Variants in CNGB1 observed in about 807,000 individuals in gnomAD.
CNGB1 encodes the protein cyclic nucleotide-gated channel beta-1.
Under a neutral mutation model 151.7 loss-of-function variants are expected in CNGB1, and 126 were observed. The observed-to-expected ratio is 0.83, with a 90% CI of 0.72 to 0.96. The LOEUF is 0.96. Among genes scored for constraint, CNGB1 ranks in the 40% least tolerant of loss-of-function variants. The pLI is 0.00. For synonymous variants in CNGB1, 623 were observed against 635.1 expected, an observed-to-expected ratio of 0.98 and a Z score of 0.29; for missense variants, 1,698 against 1,627.0, an observed-to-expected ratio of 1.04 and a Z score of -0.75.
At chr16:57,964,604 G>A in intron 2 of CNGB1, 60 bp from the exon 3 acceptor site, 1 of 1,569,370 alleles carries the variant, frequency 6.4e-7, no homozygotes, top group Non-Finnish European at 8.8e-7. Flanking sequence ...TTTGGACAGG[G>A]GCAGCCTGAT....
intron 14 of CNGB1, among the ~76,000 whole-genome samples, chr16:57,943,747 A>T (rs1347827060): frequency 2.6e-5 from 4 of 152,200 alleles, no homozygotes; most frequent in Non-Finnish European, 5.9e-5. Context: ...TTGTAAATTC[A>T]CACAGCCATT....
chr16:57,885,257 T>C (rs185702808), intron 32 of CNGB1, among the ~76,000 whole-genome samples: 1 of 152,298 alleles, frequency 6.6e-6, no homozygotes, highest in Non-Finnish European at 1.5e-5. Flanking sequence ...AAGTGGTGTT[T>C]GTGAGTTTCA....
intron 12 of CNGB1, among the ~76,000 whole-genome samples, chr16:57,956,586 G>A (rs1396881055): frequency 1.3e-5 from 2 of 152,188 alleles, no homozygotes; most frequent in Non-Finnish European, 2.9e-5. Context: ...AGAGCCCTGG[G>A]ACAGCCTGAG....
At chr16:57,964,286 G>C (rs2149388649) in intron 3 of CNGB1, 84 bp from the exon 4 acceptor site, 1 of 1,481,178 alleles carries the variant, frequency 6.8e-7, no homozygotes, top group Non-Finnish European at 9.4e-7. Flanking sequence ...AGTCAGGGGA[G>C]AGGAGAGAGA....
chr16:57,951,234 A>G (rs1399198341), intron 12 of CNGB1, among the ~76,000 whole-genome samples: 1 of 152,210 alleles, frequency 6.6e-6, no homozygotes, highest in African/African-American at 2.4e-5. Flanking sequence ...CAGTCTCATC[A>G]GGAACCTAAG....
intron 1 of CNGB1, among the ~76,000 whole-genome samples, chr16:57,970,254 A>T (rs2149391697): frequency 6.6e-6 from 1 of 152,284 alleles, no homozygotes; most frequent in Middle Eastern, 3.4e-3. Context: ...CAGAGCTCAC[A>T]TGTTGGGATA....
At chr16:57,898,363 T>C (rs1960291513) in intron 29 of CNGB1, among the ~76,000 whole-genome samples, 1 of 150,868 alleles carries the variant, frequency 6.6e-6, no homozygotes, top group South Asian at 2.1e-4. Flanking sequence ...GGAACAACAA[T>C]AACGATAATA....
intron 6 of CNGB1, 53 bp downstream of exon 6, chr16:57,962,789 C>T: frequency 4.4e-6 from 7 of 1,607,712 alleles, no homozygotes; most frequent in Middle Eastern, 1.7e-4. Flanking sequence ...TCCCAGCAGC[C>T]CCTCAGCCCC....
chr16:57,951,035 T>C (rs150993187), intron 12 of CNGB1, among the ~76,000 whole-genome samples: 42 of 152,302 alleles, frequency 2.8e-4, no homozygotes, highest in African/African-American at 9.9e-4. Context: ...CGGCATTTGC[T>C]TCTGAGAGTC....
At chr16:57,963,724 T>C (rs964645354) in intron 4 of CNGB1, among the ~76,000 whole-genome samples, 8 of 152,194 alleles carry the variant, frequency 5.3e-5, no homozygotes, top group Admixed American at 1.3e-4. Context: ...CTGAGAAACG[T>C]CCGGCCCCCT....
chr16:57,966,771 G>A (rs1292404344), intron 2 of CNGB1, among the ~76,000 whole-genome samples: 1 of 152,124 alleles, frequency 6.6e-6, no homozygotes, highest in East Asian at 1.9e-4. Flanking sequence ...GCTATTGCTT[G>A]TTTTTATAAA....
At position 57,884,342 on chromosome 16, in the gene CNGB1, G is replaced by A. The variant is rs1959846562; in HGVS notation, c.3578C>T (p.Pro1193Leu). ...CGGTGGAGAGCTCGGTGGAGACCCCGGGGGCTCGGGGGGCGTCCGGGGCGC... is the reference window on the plus strand; with the variant it reads ...CGGTGGAGAGCTCGGTGGAGACCCCAGGGGCTCGGGGGGCGTCCGGGGCGC... ...PPAPRTPPEP[P>L]GSPPSSPPPA... The change falls in exon 33 of 33, where the codon CCG (proline) becomes CTG (leucine). Residue 1193 changes from proline (P) to leucine (L), a missense_variant. Physicochemically the swap from Pro to Leu is moderately conservative, Grantham distance 98. Coordinates refer to ENST00000251102, the MANE Select transcript of CNGB1 (RefSeq NM_001297.5). 8 of 1,558,270 alleles carry A rather than the reference G, an allele frequency of 5.1e-6. No homozygotes were observed. The highest frequency in any genetic ancestry group is 4.8e-5 in the African/African-American group (3 of 62,710).
chr16:57,895,706 G>A (rs1195810533), intron 31 of CNGB1, among the ~76,000 whole-genome samples: 2 of 151,984 alleles, frequency 1.3e-5, no homozygotes, highest in Non-Finnish European at 2.9e-5. Flanking sequence ...CCAGTAAAAG[G>A]AATCAAGGCT....
intron 17 of CNGB1, 46 bp from the exon 18 acceptor site, chr16:57,923,426 C>T (rs776688483): frequency 4.1e-6 from 6 of 1,475,778 alleles, no homozygotes; most frequent in East Asian, 2.3e-5. Context: ...AAGGCAGAGG[C>T]CCCAGGGAGA....
At chr16:57,908,299 C>T (rs562679985) in intron 25 of CNGB1, among the ~76,000 whole-genome samples, 5 of 152,360 alleles carry the variant, frequency 3.3e-5, no homozygotes, top group African/African-American at 7.2e-5. Context: ...TGGGAGGGGA[C>T]GTTCTGAACA....
At chr16:57,954,209 C>T (rs1962029192) in intron 12 of CNGB1, among the ~76,000 whole-genome samples, 1 of 152,216 alleles carries the variant, frequency 6.6e-6, no homozygotes. Context: ...GTATGCCACA[C>T]TTTATTCCCT....
intron 16 of CNGB1, among the ~76,000 whole-genome samples, chr16:57,933,122 C>A (rs919044740): frequency 6.6e-6 from 1 of 151,902 alleles, no homozygotes; most frequent in East Asian, 1.9e-4. Context: ...GAGATGAGGT[C>A]TCACCATGTT....
chr16:57,904,733 C>G lies in CNGB1; in HGVS notation c.2634+1G>C. 1 of 1,614,094 alleles carries G rather than the reference C, an allele frequency of 6.2e-7. No individual in the cohort carries two copies. The highest frequency in any genetic ancestry group is 8.5e-7 in the Non-Finnish European group (1 of 1,180,034). ...GGGAAGCTGGGCTGGTGCCCCGATA[C>G]CTGTCCGATCATCACAGAGAAAGCA... On this transcript the variant is annotated splice_donor_variant, in intron 26 of 32. Coordinates refer to ENST00000251102, the MANE Select transcript of CNGB1 (RefSeq NM_001297.5). LOFTEE classifies it high-confidence loss of function.
intron 17 of CNGB1, among the ~76,000 whole-genome samples, chr16:57,931,310 G>A (rs988922553): frequency 5.9e-5 from 9 of 151,914 alleles, no homozygotes; most frequent in Admixed American, 5.9e-4. Context: ...GAGCCACTAT[G>A]CCTAGCTAAT....
Sources: allele counts gnomAD v4.1 joint callset (sites outside exome capture counted in the v4.1 genomes callset), GRCh38; gene constraint gnomAD v4.1.1; transcripts MANE v1.5; gene names NCBI Gene and HGNC (gene_info 2026-07-23, HGNC 2026-07-21).